The following ZNF131 variants were observed in gnomAD, a reference collection of about 807,000 sequenced individuals.
ZNF131 encodes the protein zinc finger protein 131.
Under a neutral mutation model 60.0 loss-of-function variants are expected in ZNF131, and 7 were observed. That is an observed-to-expected ratio of 0.12 (90% CI 0.07 to 0.22). The LOEUF is 0.22. Among genes scored for constraint, ZNF131 ranks in the 10% least tolerant of loss-of-function variants. The pLI, the probability that ZNF131 is intolerant of heterozygous loss-of-function variation, is 1.00. For synonymous variants in ZNF131, 257 were observed against 253.2 expected (o/e 1.01, Z -0.14); for missense variants, 493 against 740.9 (o/e 0.67, Z 3.88).
At chr5:43,144,869 TG>T (rs1470470032) in intron 4 of ZNF131, among the ~76,000 whole-genome samples, 1 of 151,840 alleles carries the variant, frequency 6.6e-6, no homozygotes, top group Admixed American at 6.6e-5. Context: ...TGCTTGTTCA[TG>T]GCAAAATTTT....
rs1205635519 is a variant in ZNF131 at position 43,162,969 on chromosome 5, C to CTTTTTTTTTTTTTTTTTTTTTTTT, written c.1054+1056_1054+1057insTTTTTTTTTTTTTTTTTTTTTTTT. On this transcript the variant is annotated intron_variant, in intron 5 of 6. Coordinates refer to ENST00000682664, the MANE Select transcript of ZNF131 (RefSeq NM_001330707.2). Reference sequence around the variant, plus strand: ...TTTATACTTCTTTTCTTTTATTTGCCTTTTTTTTTTTTTTTTTTGGCAGAT... The same window carrying CTTTTTTTTTTTTTTTTTTTTTTTT: ...TTTATACTTCTTTTCTTTTATTTGCCTTTTTTTTTTTTTTTTTTTTTTTTTTTTTTTTTTTTTTTTTTGGCAGAT... Among the ~76,000 whole-genome samples the CTTTTTTTTTTTTTTTTTTTTTTTT allele has an allele frequency of 2.0e-4, 13 of 64,924 alleles. 1 individual carries two copies. The highest frequency in any genetic ancestry group is 6.1e-4 in the East Asian group (1 of 1,650). The allele number at this position is 64,924 out of a possible 152,430, so 42.6% of individuals were successfully genotyped here.
At chr5:43,170,565 C>T (rs1489569329) in intron 5 of ZNF131, among the ~76,000 whole-genome samples, 3 of 152,266 alleles carry the variant, frequency 2.0e-5, no homozygotes. Flanking sequence ...CCTCTGTCCA[C>T]ACCCCATCTC....
intron 4 of ZNF131, among the ~76,000 whole-genome samples, chr5:43,141,630 C>G (rs558437847): frequency 6.6e-6 from 1 of 152,058 alleles, no homozygotes; most frequent in Admixed American, 6.6e-5. Flanking sequence ...TTAGCTGGCA[C>G]TGTGGCGTGC....
Position 43,139,319 on chromosome 5 carries a change from T to A in ZNF131, c.371+10T>A. On this transcript the variant is annotated intron_variant, in intron 4 of 6. Transcript: ENST00000682664. ...AAGCCCTTGAAGTCAGGTACTTAAT[T>A]TCTTTAATGGGGTTCAGATAGTCAT... 6.3e-7 allele frequency: 1 copy of A among 1,598,574 alleles called. No individual in the cohort carries two copies. The highest frequency in any genetic ancestry group is 1.3e-5 in the African/African-American group (1 of 74,240).
intron 4 of ZNF131, among the ~76,000 whole-genome samples, chr5:43,141,917 T>C (rs897705977): frequency 6.6e-6 from 1 of 152,194 alleles, no homozygotes; most frequent in Non-Finnish European, 1.5e-5. Flanking sequence ...GACAGTAGTA[T>C]TATATGTTGG....
chr5:43,156,208 A>G (rs74415540), intron 4 of ZNF131, among the ~76,000 whole-genome samples: 8,048 of 152,266 alleles, frequency 0.053, 316 homozygotes, highest in South Asian at 0.13. Flanking sequence ...CCTGCTGTGA[A>G]CCATGCCCAA....
intron 3 of ZNF131, among the ~76,000 whole-genome samples, chr5:43,137,708 A>G (rs964531984): frequency 2.6e-5 from 4 of 152,234 alleles, no homozygotes; most frequent in Non-Finnish European, 4.4e-5. Context: ...ATACCATACA[A>G]TTCAGCAATC....
intron 3 of ZNF131, among the ~76,000 whole-genome samples, chr5:43,135,369 C>T (rs1224789567): frequency 1.3e-5 from 2 of 152,090 alleles, no homozygotes; most frequent in Non-Finnish European, 2.9e-5. Context: ...TTTATATTGA[C>T]ACCATAAAGA....
intron 4 of ZNF131, among the ~76,000 whole-genome samples, chr5:43,154,132 T>C (rs34071473): frequency 0.097 from 14,765 of 151,936 alleles, 843 homozygotes; most frequent in East Asian, 0.19. Context: ...GTCAGCATGG[T>C]GGGGCGGGGT....
chr5:43,137,370 G>A (rs1351043574), intron 3 of ZNF131, among the ~76,000 whole-genome samples: 1 of 151,998 alleles, frequency 6.6e-6, no homozygotes, highest in Admixed American at 6.6e-5. Context: ...AAAAATATCT[G>A]CCCAATTAAA....
At chr5:43,162,969 C>CTTTTTTTCTTTTTT (rs1749914094) in intron 5 of ZNF131, among the ~76,000 whole-genome samples, 1 of 64,908 alleles carries the variant, frequency 1.5e-5, no homozygotes, top group Non-Finnish European at 2.9e-5. Context: ...TTTTATTTGC[C>CTTTTTTTCTTTTTT]TTTTTTTTTT....
At chr5:43,126,779 C>T (rs996999249) in intron 3 of ZNF131, among the ~76,000 whole-genome samples, 10 of 152,118 alleles carry the variant, frequency 6.6e-5, no homozygotes, top group African/African-American at 2.4e-4. Flanking sequence ...AGCTACCAGC[C>T]ACAGGTGTGC....
intron 3 of ZNF131, among the ~76,000 whole-genome samples, chr5:43,128,656 C>CAAAAAAAAA (rs1170687481): frequency 3.4e-4 from 24 of 70,120 alleles, no homozygotes; most frequent in Admixed American, 5.5e-4. Flanking sequence ...GACTCCATCT[C>CAAAAAAAAA]AAAAAAAAAA....
chr5:43,142,613 A>T (rs1746999854), intron 4 of ZNF131, among the ~76,000 whole-genome samples: 1 of 151,912 alleles, frequency 6.6e-6, no homozygotes. Flanking sequence ...CAAAAATTGG[A>T]TATTTTTAAA....
chr5:43,141,175 T>C (rs1561407241), intron 4 of ZNF131, among the ~76,000 whole-genome samples: 1 of 152,186 alleles, frequency 6.6e-6, no homozygotes, highest in Non-Finnish European at 1.5e-5. Context: ...GCTTAGCACC[T>C]GGCATATAGC....
intron 4 of ZNF131, chr5:43,143,629 T>A (rs1747144723): frequency 4.8e-6 from 1 of 206,826 alleles, no homozygotes; most frequent in Non-Finnish European, 9.7e-6. Context: ...GAAGTCTGCA[T>A]AGGTAGTTTA....
chr5:43,151,235 A>G (rs1748268551), intron 4 of ZNF131, among the ~76,000 whole-genome samples: 1 of 152,182 alleles, frequency 6.6e-6, no homozygotes, highest in Non-Finnish European at 1.5e-5. Context: ...TTTTAATTGG[A>G]TTACTCCTAT....
chr5:43,130,831 G>T (rs983679143), intron 3 of ZNF131, among the ~76,000 whole-genome samples: 5 of 151,754 alleles, frequency 3.3e-5, no homozygotes, highest in African/African-American at 1.2e-4. Context: ...CTCCCAGAGT[G>T]CTGGGATTAC....
At chr5:43,139,104 C>T (rs1403355412) in intron 3 of ZNF131, 61 bp from the exon 4 acceptor site, 6 of 1,338,382 alleles carry the variant, frequency 4.5e-6, no homozygotes, top group Non-Finnish European at 4.9e-6. Flanking sequence ...TCTTTCTTTA[C>T]TAAACATTGT....
Sources: gnomAD v4.1 joint callset for allele counts (sites outside exome capture counted in the v4.1 genomes callset) on GRCh38, gnomAD v4.1.1 for gene constraint, MANE v1.5 for transcripts, NCBI Gene and HGNC (gene_info 2026-07-23, HGNC 2026-07-21) for gene names.